Variants in POMGNT1 observed in about 807,000 individuals in gnomAD.
POMGNT1 encodes protein O-linked mannose N-acetylglucosaminyltransferase 1 (beta 1,2-), also known as protein O-linked-mannose beta-1,2-N-acetylglucosaminyltransferase 1.
POMGNT1 carries 67 observed loss-of-function variants against 95.6 expected under a neutral mutation model. The ratio of observed to expected loss-of-function variants is 0.70; its 90% CI spans 0.58 to 0.86. POMGNT1 has a LOEUF of 0.86. POMGNT1 is among the 40% of genes least tolerant of loss of function. POMGNT1 has a pLI of 0.00. For missense variants in POMGNT1, 719 were observed against 855.2 expected, an observed-to-expected ratio of 0.84 and a Z score of 1.99; for synonymous variants, 298 against 317.9, an observed-to-expected ratio of 0.94 and a Z score of 0.66.
rs1460276887 is a variant in POMGNT1, at chr1:46,194,562, A to G, written c.742T>C (p.Ser248Pro). The G allele has an allele frequency of 6.2e-7, 1 of 1,613,966 alleles. No individual in the cohort carries two copies. Among genetic ancestry groups the G allele is most frequent in the East Asian group, 2.2e-5 (1 of 44,870 alleles). Residue 248 changes from serine (S) to proline (P), a missense_variant, in exon 8 of 22, where the codon TCA (serine) becomes CCA (proline). Physicochemically the swap from Ser to Pro is moderately conservative, Grantham distance 74 (BLOSUM62 -1). Around this residue, in one of 5 missense-constraint regions of POMGNT1, gnomAD observed 466 missense variants for 517.4 expected, o/e 0.90. Coordinates refer to ENST00000371984, the MANE Select transcript of POMGNT1 (RefSeq NM_017739.4). ...VLLKTDVPLS[S>P]AEEAECHWAD... ...GCTCCACTAACTCCACCTTCTGCTG[A>G]GCTCAATGGCACATCTGTCTTCAGC...
At position 46,196,089 on chromosome 1, in the gene POMGNT1, C is replaced by T. The variant is rs1658220033; in HGVS notation, c.355-12G>A. 6.2e-7 allele frequency: 1 copy of T among 1,613,938 alleles called. No homozygotes were observed. The highest frequency in any genetic ancestry group is 8.5e-7 in the Non-Finnish European group (1 of 1,180,018). On this transcript the variant is annotated splice_polypyrimidine_tract_variant and intron_variant, in intron 4 of 21. Transcript: ENST00000371984. This position sits in a 1 kb window ranked among gnomAD's most constrained non-coding sequence, Gnocchi z 4.4. ...TCATCCTCCAGCACCTACACAGTGG[C>T]AGAGACAAAGTCCAGCTTTTCACTC...
At chr1:46,210,035 T>C (rs913023374) in intron 1 of POMGNT1, among the ~76,000 whole-genome samples, 1 of 152,192 alleles carries the variant, frequency 6.6e-6, no homozygotes, top group Non-Finnish European at 1.5e-5. Context: ...TAATAGTCTG[T>C]ACAGTCTGAT....
intron 1 of POMGNT1, among the ~76,000 whole-genome samples, chr1:46,209,170 A>T (rs1384957010): frequency 3.3e-5 from 5 of 152,104 alleles, no homozygotes; most frequent in Non-Finnish European, 5.9e-5. Context: ...GATTACAGGC[A>T]TGTGACACCA....
Position 46,192,594 on chromosome 1 carries a change from A to C in POMGNT1, c.1212-4T>G, listed in dbSNP as rs778941358. On this transcript the variant is annotated splice_polypyrimidine_tract_variant and splice_region_variant and intron_variant, in intron 14 of 21. Coordinates refer to ENST00000371984, the MANE Select transcript of POMGNT1 (RefSeq NM_017739.4). ...GTGGATGGATTGGCTCAGGAAACTG[A>C]GAGAGGCAGGGTCAAAGAGTTCAGG... The C allele has an allele frequency of 1.5e-5, 25 of 1,613,854 alleles. No individual in the cohort carries two copies. The highest frequency in any genetic ancestry group is 1.9e-5 in the Non-Finnish European group (23 of 1,180,004).
chr1:46,211,496 A>G (rs1288851675), intron 1 of POMGNT1, among the ~76,000 whole-genome samples: 2 of 151,704 alleles, frequency 1.3e-5, no homozygotes, highest in East Asian at 3.9e-4. Context: ...TATCACAACT[A>G]GTAAATAAGT....
chr1:46,208,957 G>A (rs951915548), intron 1 of POMGNT1, among the ~76,000 whole-genome samples: 5 of 152,194 alleles, frequency 3.3e-5, no homozygotes, highest in African/African-American at 9.6e-5. Context: ...AGAAGGAAGA[G>A]TGGTAACTAA....
intron 1 of POMGNT1, among the ~76,000 whole-genome samples, chr1:46,208,041 G>A (rs1658774676): frequency 6.6e-6 from 1 of 151,640 alleles, no homozygotes; most frequent in Non-Finnish European, 1.5e-5. Context: ...TGTATTTTTA[G>A]TAGAGATGGG....
upstream of POMGNT1, chr1:46,198,540 G>GGCGGCGGCA (rs1434009608): frequency 1.3e-5 from 1 of 76,036 alleles, no homozygotes; most frequent in South Asian, 4.3e-4. Flanking sequence ...CGGCGGCGGC[G>GGCGGCGGCA]GTGGCGGCAG....
chr1:46,198,577 A>G (rs28364741), upstream of POMGNT1: 24,786 of 164,680 alleles, frequency 0.15, 2,491 homozygotes, highest in East Asian at 0.34. Context: ...GCAGCCAGCG[A>G]GTAAGGCGAA....
At chr1:46,194,684 C>A in intron 7 of POMGNT1, 33 bp from the exon 8 acceptor site, 3 of 1,614,238 alleles carry the variant, frequency 1.9e-6, no homozygotes, top group Non-Finnish European at 2.5e-6. Context: ...GCCATGGGGG[C>A]CCAGACACCA....
rs761426941 is a variant in POMGNT1 at position 46,189,970 on chromosome 1, G to T, written c.1669C>A (p.His557Asn). The T allele has an allele frequency of 5.6e-6, 9 of 1,614,026 alleles. No homozygotes were observed. The highest frequency in any genetic ancestry group is 1.3e-5 in the African/African-American group (1 of 74,942). Residue 557 changes from histidine (H) to asparagine (N), a missense_variant, in exon 20 of 22, where the codon CAC (histidine) becomes AAC (asparagine). His to Asn is a moderately conservative substitution (Grantham distance 68, BLOSUM62 1). This residue lies in a region of POMGNT1 where 130 missense variants were observed against 149.2 expected (regional missense o/e 0.87). Transcript: ENST00000371984. ...GAGTCTTCACAAGGGTTCTTGCTGTGGTCCAGAACCTCAGCCTCACTGCAG... is the reference window on the plus strand; with the variant it reads ...GAGTCTTCACAAGGGTTCTTGCTGTTGTCCAGAACCTCAGCCTCACTGCAG... Reference protein sequence around the residue: ...RLLSEAEVLDHSKNPCEDSFL... With the variant: ...RLLSEAEVLDNSKNPCEDSFL...
intron 1 of POMGNT1, among the ~76,000 whole-genome samples, chr1:46,211,153 G>T (rs1658881818): frequency 6.6e-6 from 1 of 151,864 alleles, no homozygotes; most frequent in South Asian, 2.1e-4. Context: ...AATGTTATTG[G>T]ACAAAAAGGG....
upstream of POMGNT1, chr1:46,203,211 G>A (rs1571679432): frequency 2.7e-6 from 1 of 373,284 alleles, no homozygotes; most frequent in Non-Finnish European, 4.8e-6. Context: ...CCAGCCCCAC[G>A]CAATCCAGGG....
At chr1:46,216,043 CTTTTTTT>C (rs141982741) in intron 1 of POMGNT1, among the ~76,000 whole-genome samples, 13 of 92,540 alleles carry the variant, frequency 1.4e-4, no homozygotes, top group African/African-American at 2.2e-4. Flanking sequence ...TTTATTTTAT[CTTTTTTT>C]TTTTTTTTTT....
At chr1:46,203,768 T>G in intron 1 of POMGNT1, 1 of 753,662 alleles carries the variant, frequency 1.3e-6, no homozygotes, top group Non-Finnish European at 2.0e-6. Flanking sequence ...GATCAATCCG[T>G]AAACGCTGGG....
At chr1:46,195,251 C>T (rs1658136797) in intron 6 of POMGNT1, among the ~76,000 whole-genome samples, 1 of 152,200 alleles carries the variant, frequency 6.6e-6, no homozygotes, top group Admixed American at 6.5e-5. Context: ...CCTTATTCTG[C>T]TCCACCTCGA....
chr1:46,190,201 C>T lies in POMGNT1; in HGVS notation c.1650-212G>A, dbSNP rs12116820. 210,027 of 661,898 alleles carry T rather than the reference C, an allele frequency of 0.32. 34,848 individuals carry two copies. Among genetic ancestry groups the T allele is most frequent in the South Asian group, 0.4 (20,656 of 51,130 alleles). The allele number at this position is 661,898 out of a possible 1,614,324, so 41.0% of individuals were successfully genotyped here. On this transcript the variant is annotated intron_variant, in intron 19 of 21. Coordinates refer to ENST00000371984, the MANE Select transcript of POMGNT1 (RefSeq NM_017739.4). ...CTGGGACTACAGGCGCCTGCCACCA[C>T]GCCCGGCTAATTTTTTGTATTTTTA...
intron 9 of POMGNT1, 113 bp from the exon 10 acceptor site, chr1:46,194,038 G>A: frequency 1.3e-6 from 2 of 1,559,534 alleles, no homozygotes; most frequent in Non-Finnish European, 1.7e-6. Context: ...GACAGGGAAG[G>A]GATAGAGGAT....
chr1:46,197,100 G>A lies in POMGNT1; in HGVS notation c.121-16C>T. On this transcript the variant is annotated splice_polypyrimidine_tract_variant and intron_variant, in intron 2 of 21. Coordinates refer to ENST00000371984, the MANE Select transcript of POMGNT1 (RefSeq NM_017739.4). Reference sequence around the variant, plus strand: ...CGGCCCCTGTCTGAGGGGAGGGGTAGGGATGATTAAGAGGAGCACCTCCTT... The same window carrying A: ...CGGCCCCTGTCTGAGGGGAGGGGTAAGGATGATTAAGAGGAGCACCTCCTT... 2 of 1,614,128 alleles carry A rather than the reference G, an allele frequency of 1.2e-6. No homozygotes were observed. The highest frequency in any genetic ancestry group is 1.7e-6 in the Non-Finnish European group (2 of 1,180,010).
Sources: allele counts gnomAD v4.1 joint callset (sites outside exome capture counted in the v4.1 genomes callset), GRCh38; gene constraint gnomAD v4.1.1; regional missense constraint gnomAD v4.1.1; non-coding constraint Gnocchi (gnomAD v3.1); transcripts MANE v1.5; gene names NCBI Gene and HGNC (gene_info 2026-07-23, HGNC 2026-07-21).